The following DNAAF9 variants were observed in gnomAD, a reference collection of about 807,000 sequenced individuals.
DNAAF9 encodes the protein shulin.
DNAAF9 carries 90 observed loss-of-function variants against 167.0 expected under a neutral mutation model. That is an observed-to-expected ratio of 0.54 (90% CI 0.45 to 0.64). The LOEUF (loss-of-function observed/expected upper bound fraction) is 0.64. Among genes scored for constraint, DNAAF9 ranks in the 30% least tolerant of loss-of-function variants. The pLI is 0.00. For synonymous variants in DNAAF9, 491 were observed against 508.8 expected (o/e 0.96, Z 0.47); for missense variants, 1,315 against 1,442.2 (o/e 0.91, Z 1.43).
intron 12 of DNAAF9, among the ~76,000 whole-genome samples, chr20:3,329,712 G>A (rs1248632092): frequency 6.6e-6 from 1 of 152,204 alleles, no homozygotes; most frequent in Admixed American, 6.5e-5. Context: ...TCACAGGGAA[G>A]TGTTGATCTA....
intron 20 of DNAAF9, chr20:3,306,940 G>A: frequency 1.0e-6 from 1 of 985,296 alleles, no homozygotes; most frequent in Non-Finnish European, 1.2e-6. Context: ...TGCTCCTGCT[G>A]CTGAGTGGTT....
At chr20:3,255,884 C>T in intron 34 of DNAAF9, 122 bp downstream of exon 34, 2 of 719,384 alleles carry the variant, frequency 2.8e-6, no homozygotes, top group Non-Finnish European at 2.4e-6. Flanking sequence ...CTGGCTGGGC[C>T]AGGGAGAGGA....
At chr20:3,289,122 G>T (rs1230975389) in intron 26 of DNAAF9, among the ~76,000 whole-genome samples, 4 of 152,244 alleles carry the variant, frequency 2.6e-5, no homozygotes, top group South Asian at 2.1e-4. Flanking sequence ...TGAGGTGGGA[G>T]GATCACTTGA....
chr20:3,377,488 G>T lies in DNAAF9; in HGVS notation c.284-1186C>A, dbSNP rs2083591333. Among the ~76,000 whole-genome samples the T allele has an allele frequency of 2.6e-5, 4 of 151,176 alleles. No individual in the cohort carries two copies. The South Asian group carries it at 8.4e-4, about 32-fold the overall frequency. On this transcript the variant is annotated intron_variant, in intron 3 of 36. Coordinates refer to ENST00000252032, the MANE Select transcript of DNAAF9 (RefSeq NM_001009984.3). ...TCTTTCTTTTTTTTTTTTTGACAGG[G>T]TTTCACTCTGTCACCCAGGCTGGAG...
intron 1 of DNAAF9, among the ~76,000 whole-genome samples, chr20:3,397,139 C>G (rs1275270212): frequency 6.6e-6 from 1 of 151,642 alleles, no homozygotes; most frequent in Non-Finnish European, 1.5e-5. Context: ...CCCAGCTACT[C>G]AGGAGGCTGA....
chr20:3,261,307 G>C (rs1352191225), intron 31 of DNAAF9, among the ~76,000 whole-genome samples: 2 of 151,832 alleles, frequency 1.3e-5, no homozygotes, highest in East Asian at 1.9e-4. Flanking sequence ...AAGGTGCTGG[G>C]ATTATAGCCA....
At chr20:3,264,058 G>C (rs2068441296) in intron 31 of DNAAF9, among the ~76,000 whole-genome samples, 1 of 152,188 alleles carries the variant, frequency 6.6e-6, no homozygotes, top group Admixed American at 6.5e-5. Flanking sequence ...CCCAGCAGAT[G>C]GGAACCCTAG....
At chr20:3,377,760 G>T (rs1297636682) in intron 3 of DNAAF9, among the ~76,000 whole-genome samples, 1 of 152,086 alleles carries the variant, frequency 6.6e-6, no homozygotes, top group Non-Finnish European at 1.5e-5. Flanking sequence ...ACCTGGCCAA[G>T]ATCTCTGTTT....
chr20:3,311,532 C>T (rs1039583024), intron 20 of DNAAF9, among the ~76,000 whole-genome samples: 2 of 151,948 alleles, frequency 1.3e-5, no homozygotes, highest in Admixed American at 1.3e-4. Context: ...ATTACAGGCA[C>T]AAGCCACTGC....
intron 16 of DNAAF9, among the ~76,000 whole-genome samples, chr20:3,321,381 C>T (rs113222529): frequency 0.044 from 6,729 of 152,170 alleles, 223 homozygotes; most frequent in African/African-American, 0.094. Flanking sequence ...TGTTACTATA[C>T]TGAATACTGT....
chr20:3,349,217 A>C (rs1460996509), intron 7 of DNAAF9, among the ~76,000 whole-genome samples: 2 of 150,236 alleles, frequency 1.3e-5, no homozygotes, highest in East Asian at 1.9e-4. Flanking sequence ...AAAAAAAAAA[A>C]ACACCATGAA....
At chr20:3,338,037 AATAT>A (rs1275658257) in intron 10 of DNAAF9, among the ~76,000 whole-genome samples, 2 of 148,358 alleles carry the variant, frequency 1.3e-5, no homozygotes, top group Non-Finnish European at 3.0e-5. Context: ...ATATAATTAA[AATAT>A]ATAATATATG....
intron 20 of DNAAF9, 105 bp downstream of exon 20, chr20:3,314,928 A>G (rs1001437149): frequency 5.6e-6 from 4 of 713,012 alleles, no homozygotes; most frequent in South Asian, 1.7e-5. Context: ...CTGTACCACA[A>G]TTGTGTTCAA....
At chr20:3,285,900 A>C (rs1476827461) in intron 27 of DNAAF9, among the ~76,000 whole-genome samples, 4 of 151,308 alleles carry the variant, frequency 2.6e-5, no homozygotes, top group Non-Finnish European at 5.9e-5. Flanking sequence ...GTATTGCTTG[A>C]ACTCGGGAGG....
intron 31 of DNAAF9, 115 bp from the exon 32 acceptor site, chr20:3,260,143 T>A (rs2122746964): frequency 1.8e-6 from 1 of 558,770 alleles, no homozygotes; most frequent in Middle Eastern, 3.2e-4. Flanking sequence ...ATCGAGACCA[T>A]CCTGGCTAAC....
At chr20:3,348,048 G>C (rs1456449707) in intron 8 of DNAAF9, among the ~76,000 whole-genome samples, 1 of 152,220 alleles carries the variant, frequency 6.6e-6, no homozygotes, top group Non-Finnish European at 1.5e-5. Context: ...AGGCTAGAAT[G>C]CTAGCTTAGA....
chr20:3,285,299 C>T (rs1253986042), intron 27 of DNAAF9, among the ~76,000 whole-genome samples: 1 of 152,164 alleles, frequency 6.6e-6, no homozygotes, highest in Non-Finnish European at 1.5e-5. Flanking sequence ...ATACTCCCAC[C>T]ACTTTGGGAG....
chr20:3,310,353 G>GAAAGA (rs1327394395), intron 20 of DNAAF9, among the ~76,000 whole-genome samples: 2 of 148,660 alleles, frequency 1.3e-5, no homozygotes, highest in African/African-American at 2.5e-5. Flanking sequence ...AAGAAAGAAA[G>GAAAGA]AAAGAAAGAA....
In DNAAF9 at chr20:3,282,429, T is replaced by A. The variant is rs1478261191; in HGVS notation, c.2487-663A>T. On this transcript the variant is annotated intron_variant, in intron 27 of 36. Coordinates refer to ENST00000252032, the MANE Select transcript of DNAAF9 (RefSeq NM_001009984.3). ...TCCCACTGGGTCCAAACTGTTATAA[T>A]CTCTTGCTTAGATCACCCCAACAGC... Among the ~76,000 whole-genome samples the A allele has an allele frequency of 3.3e-5, 5 of 152,306 alleles. No individual in the cohort carries two copies. The East Asian group carries it at 9.6e-4, about 29-fold the overall frequency.
Sources: allele counts gnomAD v4.1 joint callset (sites outside exome capture counted in the v4.1 genomes callset), GRCh38; gene constraint gnomAD v4.1.1; transcripts MANE v1.5; gene names NCBI Gene and HGNC (gene_info 2026-07-23, HGNC 2026-07-21).